Variants in FRMD4A observed in about 807,000 individuals in gnomAD.
FRMD4A encodes the protein FERM domain-containing protein 4A.
FRMD4A carries 29 observed loss-of-function variants against 129.1 expected under a neutral mutation model. That is an observed-to-expected ratio of 0.22 (90% CI 0.17 to 0.31). The LOEUF is 0.31. Ranked by LOEUF, FRMD4A falls within the 10% of genes least tolerant of loss-of-function variation. The pLI is 1.00. For missense variants in FRMD4A, 1,272 were observed against 1,375.8 expected, an observed-to-expected ratio of 0.92 and a Z score of 1.19; for synonymous variants, 634 against 571.6, an observed-to-expected ratio of 1.11 and a Z score of -1.56.
At chr10:13,896,499 T>A (rs2094759951) in intron 2 of FRMD4A, among the ~76,000 whole-genome samples, 1 of 151,858 alleles carries the variant, frequency 6.6e-6, no homozygotes, top group South Asian at 2.1e-4. Flanking sequence ...GAGGGGAACA[T>A]CACACACCAG....
chr10:14,120,793 C>T (rs1225366956), intron 2 of FRMD4A, among the ~76,000 whole-genome samples: 1 of 152,192 alleles, frequency 6.6e-6, no homozygotes, highest in East Asian at 1.9e-4. Flanking sequence ...CCCAGGGGGC[C>T]TGTCTGTTAC....
chr10:13,772,194 TA>T (rs1158987839), intron 6 of FRMD4A, among the ~76,000 whole-genome samples: 4 of 66,228 alleles, frequency 6.0e-5, no homozygotes, highest in Non-Finnish European at 1.6e-4. Flanking sequence ...AATTATTATA[TA>T]ATAATAAATA....
chr10:14,328,518 G>C lies in FRMD4A; in HGVS notation c.45+1540C>G, dbSNP rs148778388. On this transcript the variant is annotated intron_variant, in intron 2 of 24. Transcript: ENST00000357447. ...TCCAAGTAGGAGGCTGAGACAAGCG[G>C]GTCTAACTCTCCCTAAAGATATTTT... Among the ~76,000 whole-genome samples, 213 of 151,734 alleles carry C rather than the reference G, an allele frequency of 1.4e-3. 2 individuals carry two copies. The East Asian group carries it at 0.02, about 14-fold the overall frequency.
At chr10:14,087,713 C>T (rs1348220658) in intron 2 of FRMD4A, 2 of 152,064 alleles carry the variant, frequency 1.3e-5, no homozygotes, top group East Asian at 1.9e-4. Flanking sequence ...GAAACAGGAA[C>T]GAAATGTGAA....
chr10:13,667,378 C>T (rs2083142517), intron 17 of FRMD4A: 1 of 146,138 alleles, frequency 6.8e-6, no homozygotes. Context: ...ATGTCCTTCC[C>T]CTCTTTTTAC....
At chr10:13,747,931 T>C in intron 8 of FRMD4A, 112 bp from the exon 9 acceptor site, 1 of 705,650 alleles carries the variant, frequency 1.4e-6, no homozygotes, top group South Asian at 1.6e-5. Flanking sequence ...GCTTCCCTGT[T>C]AATAAAAAGC....
At chr10:13,873,176 C>CA (rs201298334) in intron 2 of FRMD4A, among the ~76,000 whole-genome samples, 67,818 of 107,448 alleles carry the variant, frequency 0.63, 16,223 homozygotes, top group South Asian at 0.71. Context: ...GACACTGTCT[C>CA]AAAAAAAATA....
At chr10:14,017,407 T>C (rs76530526) in intron 2 of FRMD4A, among the ~76,000 whole-genome samples, 26 of 152,190 alleles carry the variant, frequency 1.7e-4, no homozygotes, top group African/African-American at 6.3e-4. Context: ...ATAAATAACG[T>C]CCTTATCTAT....
At chr10:14,098,121 TTATATAAAAATTATATATTA>T (rs1837097403) in intron 2 of FRMD4A, among the ~76,000 whole-genome samples, 1 of 143,244 alleles carries the variant, frequency 7.0e-6, no homozygotes, top group African/African-American at 2.6e-5. Context: ...TTTATATATA[TTATATAAAAATTATATATTA>T]TATATAAAAA....
At chr10:14,160,007 G>A (rs1840799921) in intron 2 of FRMD4A, among the ~76,000 whole-genome samples, 1 of 152,144 alleles carries the variant, frequency 6.6e-6, no homozygotes, top group African/African-American at 2.4e-5. Flanking sequence ...CCGAGATCAT[G>A]CCACTGCACT....
chr10:13,819,759 G>A (rs556687500), intron 3 of FRMD4A, among the ~76,000 whole-genome samples: 5 of 146,742 alleles, frequency 3.4e-5, no homozygotes, highest in Admixed American at 7.0e-5. Context: ...ACAGTGGCAC[G>A]ATCTCAGGCT....
intron 2 of FRMD4A, among the ~76,000 whole-genome samples, chr10:14,155,855 TTC>T (rs1482469409): frequency 6.6e-6 from 1 of 152,162 alleles, no homozygotes; most frequent in East Asian, 1.9e-4. Flanking sequence ...TAGAAACACA[TTC>T]TTTCTTTTTT....
At chr10:13,939,516 C>T (rs551499237) in intron 2 of FRMD4A, among the ~76,000 whole-genome samples, 88 of 152,220 alleles carry the variant, frequency 5.8e-4, no homozygotes, top group African/African-American at 2.1e-3. Flanking sequence ...TTAGAAACTG[C>T]CACATTTTTG....
At chr10:13,714,416 A>T (rs11258547) in intron 12 of FRMD4A, among the ~76,000 whole-genome samples, 6 of 149,314 alleles carry the variant, frequency 4.0e-5, no homozygotes, top group African/African-American at 2.5e-5. Context: ...TTTTTTTTCT[A>T]TCAGTTTTTT....
chr10:13,647,591 G>A (rs907861925), intron 24 of FRMD4A: 1 of 152,184 alleles, frequency 6.6e-6, no homozygotes, highest in African/African-American at 2.4e-5. Flanking sequence ...TAGTGAAACT[G>A]CGGTGGTATT....
At chr10:14,082,945 G>A (rs1334685609) in intron 2 of FRMD4A, 1 of 152,174 alleles carries the variant, frequency 6.6e-6, no homozygotes, top group East Asian at 1.9e-4. Context: ...TGCCAAACAA[G>A]ATAGATATTA....
intron 2 of FRMD4A, among the ~76,000 whole-genome samples, chr10:14,033,962 G>A (rs1296112810): frequency 6.6e-6 from 1 of 152,172 alleles, no homozygotes; most frequent in Non-Finnish European, 1.5e-5. Context: ...AACATGCATG[G>A]AGCTTGAGGC....
intron 2 of FRMD4A, among the ~76,000 whole-genome samples, chr10:14,328,407 T>G (rs1266618749): frequency 6.7e-6 from 1 of 148,874 alleles, no homozygotes; most frequent in Non-Finnish European, 1.5e-5. Flanking sequence ...ATGGATGCTA[T>G]TCATTTAATT....
At position 13,714,383 on chromosome 10, in the gene FRMD4A, T is replaced by C. The variant is rs118090240; in HGVS notation, c.760-7270A>G. 3.3e-3 allele frequency among the ~76,000 whole-genome samples: 499 copies of C among 151,578 alleles called. 7 individuals are homozygous for C. In the East Asian group the frequency reaches 0.04, roughly 12 times the overall value. The stretch of plus-strand genomic sequence containing the variant: ...GGCCCAGGTATATGTTTTTAGTGGG[T>C]TGAAATCATATGTCAGAGGTTTTTT... On this transcript the variant is annotated intron_variant, in intron 12 of 24. Coordinates refer to ENST00000357447, the MANE Select transcript of FRMD4A (RefSeq NM_018027.5).
Sources: allele counts gnomAD v4.1 joint callset (sites outside exome capture counted in the v4.1 genomes callset), GRCh38; gene constraint gnomAD v4.1.1; transcripts MANE v1.5; gene names NCBI Gene and HGNC (gene_info 2026-07-23, HGNC 2026-07-21).